The following ASB18 variants were observed in gnomAD, a reference collection of about 807,000 sequenced individuals.
ASB18 encodes ankyrin repeat and SOCS box containing 18, also known as ankyrin repeat and SOCS box protein 18.
ASB18 carries 33 observed loss-of-function variants against 33.4 expected under a neutral mutation model. The observed-to-expected ratio is 0.99, with a 90% CI of 0.75 to 1.32. The LOEUF (loss-of-function observed/expected upper bound fraction) is 1.32, where lower values mean the gene tolerates loss of function less well. ASB18 is among the 40% of genes most tolerant of loss of function. The pLI, the probability that ASB18 is intolerant of heterozygous loss-of-function variation, is 0.00. For missense variants in ASB18, 694 were observed against 655.5 expected (o/e 1.06, Z -0.64); for synonymous variants, 295 against 307.6 (o/e 0.96, Z 0.43).
rs780188169 is a variant in ASB18 at position 236,264,119 on chromosome 2, G to A, written c.205+22C>T. ...GTAACTTAGTAATTAAATCCCAGAT[G>A]CAGCAGGCTCGTTCTGGTTACCTAG... On this transcript the variant is annotated intron_variant, in intron 1 of 5. Coordinates refer to ENST00000409749, the MANE Select transcript of ASB18 (RefSeq NM_212556.4). This position sits in a 1 kb window ranked among gnomAD's most constrained non-coding sequence, Gnocchi z 5.1. The A allele has an allele frequency of 6.2e-7, 1 of 1,608,438 alleles. No homozygotes were observed. Among genetic ancestry groups the A allele is most frequent in the Non-Finnish European group, 8.5e-7 (1 of 1,176,052 alleles).
Position 236,196,139 on chromosome 2 carries a change from A to C in ASB18, c.1215+133T>G, listed in dbSNP as rs1295397907. ...GAAAAAACCAGAAACGTGCAAATACACCCTCATTTCCCATTCTTCCTTTTT... is the reference window on the plus strand; with the variant it reads ...GAAAAAACCAGAAACGTGCAAATACCCCCTCATTTCCCATTCTTCCTTTTT... On this transcript the variant is annotated intron_variant, in intron 5 of 5. Transcript: ENST00000409749. The surrounding 1 kb of genome is among the most constrained non-coding windows in gnomAD (Gnocchi z 5.6). 1.4e-6 allele frequency: 1 copy of C among 705,660 alleles called. No homozygotes were observed. The highest frequency in any genetic ancestry group is 2.0e-5 in the Admixed American group (1 of 48,874). The allele number at this position is 705,660 out of a possible 1,614,324, so 43.7% of individuals were successfully genotyped here.
rs1219587786 is a variant in ASB18 at position 236,194,741 on chromosome 2, C to T, written c.*131G>A. 1.8e-5 allele frequency: 14 copies of T among 767,690 alleles called. No homozygotes were observed. The highest frequency in any genetic ancestry group is 2.6e-5 in the Non-Finnish European group (13 of 491,576). 47.6% of individuals were successfully genotyped at this position (767,690 alleles called of 1,614,324 possible). On this transcript the variant is annotated 3_prime_UTR_variant, in exon 6 of 6. Transcript: ENST00000409749. This position sits in a 1 kb window ranked among gnomAD's most constrained non-coding sequence, Gnocchi z 4.5. Reference sequence around the variant, plus strand: ...GAAGCTTGGCAAGGTCTGTGCTTCACCCGGTCCCACGGAGAGCAAGTGGGA... The same window carrying T: ...GAAGCTTGGCAAGGTCTGTGCTTCATCCGGTCCCACGGAGAGCAAGTGGGA...
Position 236,259,657 on chromosome 2 carries a change from C to G in ASB18, c.205+4484G>C. The G allele has an allele frequency of 2.2e-6, 1 of 461,186 alleles. No individual in the cohort carries two copies. Among genetic ancestry groups the G allele is most frequent in the South Asian group, 1.6e-5 (1 of 63,510 alleles). The allele number at this position is 461,186 out of a possible 1,614,324, so 28.6% of individuals were successfully genotyped here. A position where few individuals can be genotyped will look rare whatever the true frequency, so the allele number is the denominator to read the frequency against. On this transcript the variant is annotated intron_variant, in intron 1 of 5. Transcript: ENST00000409749. This position sits in a 1 kb window ranked among gnomAD's most constrained non-coding sequence, Gnocchi z 4.4. ...GATCCTGTTGGGATGGGGATGCTGACTGTAGAGCGTGGGGGGCTCAGCCTC... is the reference window on the plus strand; with the variant it reads ...GATCCTGTTGGGATGGGGATGCTGAGTGTAGAGCGTGGGGGGCTCAGCCTC...
intron 3 of ASB18, among the ~76,000 whole-genome samples, chr2:236,218,253 C>A (rs2060496650): frequency 6.6e-6 from 1 of 152,176 alleles, no homozygotes; most frequent in Admixed American, 6.5e-5. Context: ...TTCTAGTTGG[C>A]TAAACCTTGG....
At chr2:236,199,038 A>C (rs1486452409) in intron 4 of ASB18, among the ~76,000 whole-genome samples, 1 of 152,216 alleles carries the variant, frequency 6.6e-6, no homozygotes, top group African/African-American at 2.4e-5. Flanking sequence ...AAGTTAAGAA[A>C]ATATCTTTCT....
At position 236,264,118 on chromosome 2, in the gene ASB18, T is replaced by G; in HGVS notation, c.205+23A>C. The G allele has an allele frequency of 1.9e-6, 3 of 1,609,302 alleles. No homozygotes were observed. The highest frequency in any genetic ancestry group is 2.5e-6 in the Non-Finnish European group (3 of 1,176,798). On this transcript the variant is annotated intron_variant, in intron 1 of 5. Coordinates refer to ENST00000409749, the MANE Select transcript of ASB18 (RefSeq NM_212556.4). This position sits in a 1 kb window ranked among gnomAD's most constrained non-coding sequence, Gnocchi z 5.1. Reference sequence around the variant, plus strand: ...TGTAACTTAGTAATTAAATCCCAGATGCAGCAGGCTCGTTCTGGTTACCTA... The same window carrying G: ...TGTAACTTAGTAATTAAATCCCAGAGGCAGCAGGCTCGTTCTGGTTACCTA...
Position 236,263,015 on chromosome 2 carries a change from T to G in ASB18, c.205+1126A>C, listed in dbSNP as rs1450955152. The stretch of plus-strand genomic sequence containing the variant: ...TCCTCCTGCATGTTGCGCACACGTG[T>G]GCATGTGATGCATGTACTTGCGTGT... On this transcript the variant is annotated intron_variant, in intron 1 of 5. Transcript: ENST00000409749. The surrounding 1 kb of genome is among the most constrained non-coding windows in gnomAD (Gnocchi z 4.0). Among the ~76,000 whole-genome samples, 1 of 151,798 alleles carries G rather than the reference T, an allele frequency of 6.6e-6. No homozygotes were observed. Among genetic ancestry groups the G allele is most frequent in the East Asian group, 1.9e-4 (1 of 5,176 alleles).
At position 236,259,300 on chromosome 2, in the gene ASB18, C is replaced by A. The variant is rs549386060; in HGVS notation, c.205+4841G>T. ...AGCAAAGGAGCTTAGCTCTTCCATGCCAATCACTGCACCCAGAGTCCAAGC... is the reference window on the plus strand; with the variant it reads ...AGCAAAGGAGCTTAGCTCTTCCATGACAATCACTGCACCCAGAGTCCAAGC... On this transcript the variant is annotated intron_variant, in intron 1 of 5. Coordinates refer to ENST00000409749, the MANE Select transcript of ASB18 (RefSeq NM_212556.4). The surrounding 1 kb of genome is among the most constrained non-coding windows in gnomAD (Gnocchi z 4.4). 1.3e-5 allele frequency among the ~76,000 whole-genome samples: 2 copies of A among 152,326 alleles called. No individual in the cohort carries two copies. The highest frequency in any genetic ancestry group is 4.1e-4 in the South Asian group (2 of 4,822).
chr2:236,232,099 T>TACCTTGGTATGG (rs1469836671), intron 3 of ASB18, among the ~76,000 whole-genome samples: 1 of 152,216 alleles, frequency 6.6e-6, no homozygotes, highest in Non-Finnish European at 1.5e-5. Context: ...AGGTATAGCA[T>TACCTTGGTATGG]ATCTTGGATC....
rs374936576 is a variant in ASB18 at position 236,253,071 on chromosome 2, G to A, written c.205+11070C>T. Among the ~76,000 whole-genome samples the A allele has an allele frequency of 1.7e-3, 259 of 152,272 alleles. No homozygotes were observed. The highest frequency in any genetic ancestry group is 5.3e-3 in the Admixed American group (81 of 15,300). ...GGCGTCAAGGATCCCCACCGTCCTC[G>A]CCAGCCTGGCTTTCTAGATGTTGAT... is the stretch of plus-strand genomic sequence containing the variant. On this transcript the variant is annotated intron_variant, in intron 1 of 5. Transcript: ENST00000409749. This position sits in a 1 kb window ranked among gnomAD's most constrained non-coding sequence, Gnocchi z 5.4.
Position 236,251,882 on chromosome 2 carries a change from G to A in ASB18, c.206-10480C>T, listed in dbSNP as rs2060670245. 6.6e-6 allele frequency among the ~76,000 whole-genome samples: 1 copy of A among 152,300 alleles called. No individual in the cohort carries two copies. The highest frequency in any genetic ancestry group is 3.4e-3 in the Middle Eastern group (1 of 294). On this transcript the variant is annotated intron_variant, in intron 1 of 5. Coordinates refer to ENST00000409749, the MANE Select transcript of ASB18 (RefSeq NM_212556.4). This position sits in a 1 kb window ranked among gnomAD's most constrained non-coding sequence, Gnocchi z 5.3. ...ACACTAATCCTCTCCCAGTTTGCAGGTGGGAGGGTAAATTGCTGTTCAGTT... is the reference window on the plus strand; with the variant it reads ...ACACTAATCCTCTCCCAGTTTGCAGATGGGAGGGTAAATTGCTGTTCAGTT...
chr2:236,261,163 A>G (rs10200116), intron 1 of ASB18, among the ~76,000 whole-genome samples: 10,314 of 152,264 alleles, frequency 0.068, 1,060 homozygotes, highest in African/African-American at 0.22. Context: ...ATCCACACCA[A>G]TCCCCTTTTT....
At position 236,201,049 on chromosome 2, in the gene ASB18, A is replaced by G. The variant is rs189309694; in HGVS notation, c.1102-4664T>C. Reference sequence around the variant, plus strand: ...TAATAAAGGCAACTTTCAAAATGGTATAAATTTCCCTTTGAACGTTGGTAG... The same window carrying G: ...TAATAAAGGCAACTTTCAAAATGGTGTAAATTTCCCTTTGAACGTTGGTAG... On this transcript the variant is annotated intron_variant, in intron 4 of 5. Transcript: ENST00000409749. Among the ~76,000 whole-genome samples, 48 of 152,310 alleles carry G rather than the reference A, an allele frequency of 3.2e-4. 1 individual carries two copies. Among genetic ancestry groups the G allele is most frequent in the African/African-American group, 1.1e-3 (47 of 41,576 alleles).
Position 236,237,419 on chromosome 2 carries a change from GGGGCCGGGGCGCGGGGCGA to G in ASB18, c.596+251_596+269del, listed in dbSNP as rs1272916408. 0.025 allele frequency among the ~76,000 whole-genome samples: 2,934 copies of G among 119,620 alleles called. 315 individuals are homozygous for G. Among genetic ancestry groups the G allele is most frequent in the African/African-American group, 0.11 (2,676 of 24,534 alleles). 78.5% of individuals were successfully genotyped at this position (119,620 alleles called of 152,430 possible). A position where few individuals can be genotyped will look rare whatever the true frequency, so the allele number is the denominator to read the frequency against. ...GGGGCCGGGGCGCGGGGCGGGGGCC[GGGGCCGGGGCGCGGGGCGA>G]GGGCCGGGAGGTGCCAGGTCTGGGG... On this transcript the variant is annotated intron_variant, in intron 3 of 5. Coordinates refer to ENST00000409749, the MANE Select transcript of ASB18 (RefSeq NM_212556.4). The surrounding 1 kb of genome is among the most constrained non-coding windows in gnomAD (Gnocchi z 6.2).
In ASB18 at chr2:236,256,497, C is replaced by T. The variant is rs945723402; in HGVS notation, c.205+7644G>A. On this transcript the variant is annotated intron_variant, in intron 1 of 5. Coordinates refer to ENST00000409749, the MANE Select transcript of ASB18 (RefSeq NM_212556.4). This position sits in a 1 kb window ranked among gnomAD's most constrained non-coding sequence, Gnocchi z 4.7. Reference sequence around the variant, plus strand: ...GCCTGCCATTTCCAATTAGTTCCTTCGGAATGTTTACTTCTCAAGCAGAGC... The same window carrying T: ...GCCTGCCATTTCCAATTAGTTCCTTTGGAATGTTTACTTCTCAAGCAGAGC... Among the ~76,000 whole-genome samples, 1 of 152,152 alleles carries T rather than the reference C, an allele frequency of 6.6e-6. No homozygotes were observed. Among genetic ancestry groups the T allele is most frequent in the Admixed American group, 6.5e-5 (1 of 15,280 alleles).
intron 4 of ASB18, among the ~76,000 whole-genome samples, chr2:236,201,761 T>A (rs12466147): frequency 0.17 from 26,054 of 151,850 alleles, 2,264 homozygotes; most frequent in South Asian, 0.25. Flanking sequence ...TTTTCAGTCA[T>A]TTTCTCTGTT....
rs1404640511 is a variant in ASB18 at position 236,238,727 on chromosome 2, T to C, written c.329-771A>G. ...TTTCAAAAAGCCCGTGGAAGGTTGT[T>C]AGCGGCCAGGAGCGCTCGTGGAAAT... On this transcript the variant is annotated intron_variant, in intron 2 of 5. Coordinates refer to ENST00000409749, the MANE Select transcript of ASB18 (RefSeq NM_212556.4). The surrounding 1 kb of genome is among the most constrained non-coding windows in gnomAD (Gnocchi z 5.2). Among the ~76,000 whole-genome samples the C allele has an allele frequency of 1.3e-5, 2 of 152,098 alleles. No individual in the cohort carries two copies. The highest frequency in any genetic ancestry group is 1.9e-4 in the East Asian group (1 of 5,178).
rs1477962885 is a variant in ASB18, at chr2:236,194,803, T to C, written c.*69A>G. On this transcript the variant is annotated 3_prime_UTR_variant, in exon 6 of 6. Coordinates refer to ENST00000409749, the MANE Select transcript of ASB18 (RefSeq NM_212556.4). This position sits in a 1 kb window ranked among gnomAD's most constrained non-coding sequence, Gnocchi z 4.5. Reference sequence around the variant, plus strand: ...ATCACCTCCATCTGCATCAGGGCACTCTCCAACACACGGCCTCCATGGAAG... The same window carrying C: ...ATCACCTCCATCTGCATCAGGGCACCCTCCAACACACGGCCTCCATGGAAG... 1 of 1,399,300 alleles carries C rather than the reference T, an allele frequency of 7.1e-7. No homozygotes were observed. The highest frequency in any genetic ancestry group is 1.4e-5 in the African/African-American group (1 of 70,106). 86.7% of individuals were successfully genotyped at this position (1,399,300 alleles called of 1,614,324 possible).
In ASB18 at chr2:236,255,073, C is replaced by T. The variant is rs1166501965; in HGVS notation, c.205+9068G>A. On this transcript the variant is annotated intron_variant, in intron 1 of 5. Transcript: ENST00000409749. This position sits in a 1 kb window ranked among gnomAD's most constrained non-coding sequence, Gnocchi z 4.4. The stretch of plus-strand genomic sequence containing the variant: ...AGCTTCCTGAAGTCTCCCCAGAAGC[C>T]GAAGCCGCTACGCTTCCTGTACAGC... Among the ~76,000 whole-genome samples the T allele has an allele frequency of 1.3e-5, 2 of 152,160 alleles. No individual in the cohort carries two copies. The highest frequency in any genetic ancestry group is 4.8e-5 in the African/African-American group (2 of 41,434).
Sources: allele counts gnomAD v4.1 joint callset (sites outside exome capture counted in the v4.1 genomes callset), GRCh38; gene constraint gnomAD v4.1.1; non-coding constraint Gnocchi (gnomAD v3.1); transcripts MANE v1.5; gene names NCBI Gene and HGNC (gene_info 2026-07-23, HGNC 2026-07-21).